PTGFRN: variants seen among roughly 807,000 people sequenced by gnomAD.
PTGFRN encodes the protein prostaglandin F2 receptor inhibitor.
Under a neutral mutation model 83.2 loss-of-function variants are expected in PTGFRN, and 35 were observed. The observed-to-expected ratio is 0.42, with a 90% CI of 0.32 to 0.56. PTGFRN has a LOEUF of 0.56. Ranked by LOEUF, PTGFRN falls within the 20% of genes least tolerant of loss-of-function variation. The pLI is 0.11. For missense variants in PTGFRN, 1,051 were observed against 1,179.5 expected (o/e 0.89, Z 1.60); for synonymous variants, 519 against 498.6 (o/e 1.04, Z -0.55).
In PTGFRN at chr1:116,955,659, G is replaced by T. The variant is rs560453042; in HGVS notation, c.1214-5584G>T. On this transcript the variant is annotated intron_variant, in intron 4 of 8. Transcript: ENST00000393203. ...CAAGCAGAATGTAGCAGTAATCAGTGGTGAAATGCCTGTGCCCAAAATGAG... is the reference window on the plus strand; with the variant it reads ...CAAGCAGAATGTAGCAGTAATCAGTTGTGAAATGCCTGTGCCCAAAATGAG... 3.9e-5 allele frequency among the ~76,000 whole-genome samples: 6 copies of T among 152,264 alleles called. No individual in the cohort carries two copies. The East Asian group carries it at 1.2e-3, about 29-fold the overall frequency.
At chr1:116,980,120 T>C (rs142536173) in intron 7 of PTGFRN, among the ~76,000 whole-genome samples, 3,166 of 150,788 alleles carry the variant, frequency 0.021, 120 homozygotes, top group African/African-American at 0.074. Context: ...AAAACGCTCA[T>C]CATCACTGGC....
At chr1:116,953,663 A>G (rs1210177397) in intron 4 of PTGFRN, among the ~76,000 whole-genome samples, 1 of 152,014 alleles carries the variant, frequency 6.6e-6, no homozygotes, top group Non-Finnish European at 1.5e-5. Flanking sequence ...GTCTTAGGGC[A>G]TGGAGGAGCC....
Position 116,961,601 on chromosome 1 carries a change from G to A in PTGFRN, c.1572G>A (p.Arg524=). ...TTGTGTCTGCCTGGACCAAACAGCG[G>A]AACAACAGCTGGGTGAAAAGCAAGG... ...YCVVSAWTKQ[R]NNSWVKSKDV... Residue 524 remains arginine (R), a synonymous_variant, in exon 5 of 9, where the codon CGG becomes CGA. Coordinates refer to ENST00000393203, the MANE Select transcript of PTGFRN (RefSeq NM_020440.4). The surrounding 1 kb of genome is among the most constrained non-coding windows in gnomAD (Gnocchi z 5.4). 6.2e-7 allele frequency: 1 copy of A among 1,614,158 alleles called. No individual in the cohort carries two copies.
chr1:116,947,804 C>T (rs1650238713), intron 3 of PTGFRN, among the ~76,000 whole-genome samples: 1 of 152,166 alleles, frequency 6.6e-6, no homozygotes. Context: ...ACTTAGTCCT[C>T]ACAAATGATA....
At chr1:116,978,968 A>T (rs1433240566) in intron 7 of PTGFRN, among the ~76,000 whole-genome samples, 1 of 152,242 alleles carries the variant, frequency 6.6e-6, no homozygotes, top group Non-Finnish European at 1.5e-5. Flanking sequence ...GTATATTTAG[A>T]AAACCCCATC....
intron 7 of PTGFRN, among the ~76,000 whole-genome samples, chr1:116,984,134 C>T (rs1052902265): frequency 2.6e-5 from 4 of 152,166 alleles, no homozygotes; most frequent in African/African-American, 9.7e-5. Flanking sequence ...GAAAGAAAAA[C>T]CATAGTGTAC....
At position 116,961,292 on chromosome 1, in the gene PTGFRN, G is replaced by A. The variant is rs138974299; in HGVS notation, c.1263G>A (p.Ala421=). Residue 421 remains alanine, a synonymous_variant, in exon 5 of 9, where the codon GCG becomes GCA. Coordinates refer to ENST00000393203, the MANE Select transcript of PTGFRN (RefSeq NM_020440.4). This position sits in a 1 kb window ranked among gnomAD's most constrained non-coding sequence, Gnocchi z 5.4. ...ATGCTTCCAAGGTCCCCGGGTTTGC[G>A]GATGACCCCACAGAGCTGGCATGCC... The part of the protein sequence containing the change: ...YLNASKVPGF[A]DDPTELACRV... 5.6e-5 allele frequency: 86 copies of A among 1,537,842 alleles called. No individual in the cohort carries two copies. The highest frequency in any genetic ancestry group is 6.0e-5 in the Non-Finnish European group (69 of 1,142,348).
Position 116,941,674 on chromosome 1 carries a change from T to C in PTGFRN, c.50-41T>C, listed in dbSNP as rs760043012. 6 of 1,564,264 alleles carry C rather than the reference T, an allele frequency of 3.8e-6. No individual in the cohort carries two copies. The highest frequency in any genetic ancestry group is 5.2e-6 in the Non-Finnish European group (6 of 1,155,996). On this transcript the variant is annotated intron_variant, in intron 1 of 8. Transcript: ENST00000393203. The surrounding 1 kb of genome is among the most constrained non-coding windows in gnomAD (Gnocchi z 5.0). ...TGCCACATTTGTCCTGGGAAGACTTTCTGTGATTAAAGACCTGCCTTTCAT... is the reference window on the plus strand; with the variant it reads ...TGCCACATTTGTCCTGGGAAGACTTCCTGTGATTAAAGACCTGCCTTTCAT...
chr1:116,973,621 A>C (rs994814402), intron 6 of PTGFRN, among the ~76,000 whole-genome samples: 1 of 151,930 alleles, frequency 6.6e-6, no homozygotes. Flanking sequence ...AAAAAAAAAA[A>C]AAGGAAAAAG....
rs1015524368 is a variant in PTGFRN at position 116,923,299 on chromosome 1, A to G, written c.49+13047A>G. ...GTTATAACAGGGGCAGAAGATATCT[A>G]TGTGTCCTTTTTACTATCTTTCTTA... On this transcript the variant is annotated intron_variant, in intron 1 of 8. Transcript: ENST00000393203. This position sits in a 1 kb window ranked among gnomAD's most constrained non-coding sequence, Gnocchi z 4.0. Among the ~76,000 whole-genome samples, 5 of 152,144 alleles carry G rather than the reference A, an allele frequency of 3.3e-5. No individual in the cohort carries two copies. Among genetic ancestry groups the G allele is most frequent in the African/African-American group, 7.2e-5 (3 of 41,402 alleles).
Position 116,987,102 on chromosome 1 carries a change from CTCTT to C in PTGFRN, c.*137_*140del. 1 of 1,005,122 alleles carries C rather than the reference CTCTT, an allele frequency of 9.9e-7. No individual in the cohort carries two copies. The highest frequency in any genetic ancestry group is 1.4e-6 in the Non-Finnish European group (1 of 692,760). 62.3% of individuals were successfully genotyped at this position (1,005,122 alleles called of 1,614,324 possible). A position where few individuals can be genotyped will look rare whatever the true frequency, so the allele number is the denominator to read the frequency against. On this transcript the variant is annotated 3_prime_UTR_variant, in exon 9 of 9. Coordinates refer to ENST00000393203, the MANE Select transcript of PTGFRN (RefSeq NM_020440.4). ...AATCTCAGGTGGGACTTGGCGCTCT[CTCTT>C]TTCTGCATGTCAAGTTCTGAGCGCG...
At chr1:116,960,460 T>C (rs897438223) in intron 4 of PTGFRN, among the ~76,000 whole-genome samples, 2 of 152,096 alleles carry the variant, frequency 1.3e-5, no homozygotes, top group Non-Finnish European at 2.9e-5. Context: ...TTTCTCCCAG[T>C]GGAAACAGGA....
chr1:116,983,109 ATG>A lies in PTGFRN; in HGVS notation c.2168-1568_2168-1567del, dbSNP rs759885253. On this transcript the variant is annotated intron_variant, in intron 7 of 8. Transcript: ENST00000393203. The stretch of plus-strand genomic sequence containing the variant: ...GGTGCTGTTCTAAGCATTTTAATAA[ATG>A]TGGTAAATTTAACCCTGGGTTTTGT... Among the ~76,000 whole-genome samples the A allele has an allele frequency of 7.2e-5, 11 of 152,224 alleles. No individual in the cohort carries two copies. In the East Asian group the frequency reaches 1.7e-3, roughly 24 times the overall value.
chr1:116,942,989 A>G (rs1011207565), intron 2 of PTGFRN, among the ~76,000 whole-genome samples: 34 of 152,212 alleles, frequency 2.2e-4, no homozygotes, highest in African/African-American at 8.0e-4. Context: ...GAAAATAGAA[A>G]CATTATAATT....
rs1458827707 is a variant in PTGFRN, at chr1:116,944,827, C to T, written c.567C>T (p.Arg189=). Residue 189 remains arginine (R), a synonymous_variant, in exon 3 of 9, where the codon CGC becomes CGT. Coordinates refer to ENST00000393203, the MANE Select transcript of PTGFRN (RefSeq NM_020440.4). ...TGGCGCTGCTGTGGGAGGTGCACCG[C>T]GGCCCGGCCAGGCGGAGCGTCCTCG... The part of the protein sequence containing the change: ...THLALLWEVH[R]GPARRSVLAL... 16 of 1,580,158 alleles carry T rather than the reference C, an allele frequency of 1.0e-5. No homozygotes were observed. The highest frequency in any genetic ancestry group is 2.3e-5 in the East Asian group (1 of 43,496).
chr1:116,942,172 C>T (rs1650080499), intron 2 of PTGFRN, 89 bp downstream of exon 2: 2 of 1,454,316 alleles, frequency 1.4e-6, no homozygotes, highest in African/African-American at 1.4e-5. Flanking sequence ...GACTTAATTT[C>T]TCTGAGGCTC....
chr1:116,939,049 G>T (rs569309900), intron 1 of PTGFRN, among the ~76,000 whole-genome samples: 1 of 152,234 alleles, frequency 6.6e-6, no homozygotes, highest in Admixed American at 6.5e-5. Flanking sequence ...CGCCCCTGAG[G>T]CTTTGCAGGG....
chr1:116,946,489 A>G (rs1257312163), intron 3 of PTGFRN, among the ~76,000 whole-genome samples: 1 of 152,208 alleles, frequency 6.6e-6, no homozygotes, highest in Non-Finnish European at 1.5e-5. Flanking sequence ...ACTTGCATCA[A>G]ACAACTCTTA....
At chr1:116,984,568 C>G (rs1570682858) in intron 7 of PTGFRN, 112 bp from the exon 8 acceptor site, 1 of 974,264 alleles carries the variant, frequency 1.0e-6, no homozygotes, top group Non-Finnish European at 1.5e-6. Context: ...AGACCGAAGG[C>G]ATGTAGTGTT....
Sources: gnomAD v4.1 joint callset for allele counts (sites outside exome capture counted in the v4.1 genomes callset) on GRCh38, gnomAD v4.1.1 for gene constraint, Gnocchi (gnomAD v3.1) non-coding constraint, MANE v1.5 for transcripts, NCBI Gene and HGNC (gene_info 2026-07-23, HGNC 2026-07-21) for gene names.